The following SPAG16 variants were observed in gnomAD, a reference collection of about 807,000 sequenced individuals.
SPAG16 encodes the protein sperm-associated antigen 16 protein.
Under a neutral mutation model 80.4 loss-of-function variants are expected in SPAG16, and 86 were observed. That is an observed-to-expected ratio of 1.07 (90% CI 0.90 to 1.28). The LOEUF is 1.28. Ranked by LOEUF, SPAG16 falls within the 50% of genes most tolerant of loss-of-function variation. The pLI, the probability that SPAG16 is intolerant of heterozygous loss-of-function variation, is 0.00. For missense variants in SPAG16, 870 were observed against 765.3 expected, an observed-to-expected ratio of 1.14 and a Z score of -1.61; for synonymous variants, 294 against 265.9, an observed-to-expected ratio of 1.11 and a Z score of -1.03.
intron 9 of SPAG16, among the ~76,000 whole-genome samples, chr2:213,480,587 C>T (rs2073697286): frequency 1.3e-5 from 2 of 152,190 alleles, no homozygotes; most frequent in Non-Finnish European, 1.5e-5. Flanking sequence ...AAAGCTGTTA[C>T]ATTAATTCAC....
At chr2:213,393,778 G>T (rs1487858603) in intron 9 of SPAG16, among the ~76,000 whole-genome samples, 1 of 151,872 alleles carries the variant, frequency 6.6e-6, no homozygotes, top group Non-Finnish European at 1.5e-5. Flanking sequence ...TATTGCCAGG[G>T]TTTTTTATTT....
At chr2:213,976,318 G>A (rs897012029) in intron 12 of SPAG16, among the ~76,000 whole-genome samples, 5 of 149,162 alleles carry the variant, frequency 3.4e-5, no homozygotes, top group Non-Finnish European at 7.4e-5. Flanking sequence ...GTGCGCATAT[G>A]TGTACGCATG....
chr2:213,633,670 T>A (rs929595682), intron 10 of SPAG16, among the ~76,000 whole-genome samples: 1 of 152,180 alleles, frequency 6.6e-6, no homozygotes, highest in East Asian at 1.9e-4. Flanking sequence ...TCTCTTTAGC[T>A]CTAATAATAG....
chr2:213,689,080 C>T (rs934295833), intron 10 of SPAG16, among the ~76,000 whole-genome samples: 2 of 152,196 alleles, frequency 1.3e-5, no homozygotes, highest in African/African-American at 4.8e-5. Context: ...CTGCCTCAGC[C>T]TCCTGAGCAG....
rs148098137 is a variant in SPAG16, at chr2:213,620,125, T to G, written c.1070+130035T>G. Reference sequence around the variant, plus strand: ...AAAAAAAAGTGAGCTCTTAGAAGAATAAAGTAGAATTATGGTTATTAGAGG... The same window carrying G: ...AAAAAAAAGTGAGCTCTTAGAAGAAGAAAGTAGAATTATGGTTATTAGAGG... On this transcript the variant is annotated intron_variant, in intron 10 of 15. Transcript: ENST00000331683. Among the ~76,000 whole-genome samples the G allele has an allele frequency of 5.3e-3, 799 of 151,476 alleles. 8 individuals are homozygous for G. The highest frequency in any genetic ancestry group is 0.018 in the African/African-American group (741 of 41,228).
chr2:213,646,915 T>C (rs2062842371), intron 10 of SPAG16, among the ~76,000 whole-genome samples: 1 of 152,164 alleles, frequency 6.6e-6, no homozygotes. Flanking sequence ...ACAAAATGAA[T>C]ATACCACAAT....
chr2:213,888,671 A>G (rs1229108174), intron 11 of SPAG16, among the ~76,000 whole-genome samples: 1 of 151,914 alleles, frequency 6.6e-6, no homozygotes, highest in Non-Finnish European at 1.5e-5. Flanking sequence ...TTCTAAGGCA[A>G]AGAATTTACT....
At chr2:213,898,538 T>G (rs1335396079) in intron 11 of SPAG16, among the ~76,000 whole-genome samples, 1 of 152,142 alleles carries the variant, frequency 6.6e-6, no homozygotes, top group Non-Finnish European at 1.5e-5. Context: ...CCCCACTGAA[T>G]TTATGGTGGA....
chr2:213,850,327 G>A (rs1479709266), intron 10 of SPAG16, among the ~76,000 whole-genome samples: 4 of 152,178 alleles, frequency 2.6e-5, no homozygotes, highest in Non-Finnish European at 5.9e-5. Context: ...ATGTTAATAA[G>A]AGAAAAGCAA....
At chr2:214,333,251 T>C (rs1010967316) in intron 15 of SPAG16, among the ~76,000 whole-genome samples, 54 of 152,346 alleles carry the variant, frequency 3.5e-4, no homozygotes, top group African/African-American at 1.2e-3. Flanking sequence ...TTCTCGATTA[T>C]ATATGCTTGA....
intron 10 of SPAG16, among the ~76,000 whole-genome samples, chr2:213,686,009 T>C (rs2064648971): frequency 6.6e-6 from 1 of 152,220 alleles, no homozygotes; most frequent in African/African-American, 2.4e-5. Context: ...TTTTGACATA[T>C]AATTATAAAG....
At chr2:213,904,480 G>A (rs1231898867) in intron 11 of SPAG16, among the ~76,000 whole-genome samples, 1 of 151,094 alleles carries the variant, frequency 6.6e-6, no homozygotes, top group Non-Finnish European at 1.5e-5. Flanking sequence ...TCCCCATGAT[G>A]CAAATTATCT....
At position 213,682,904 on chromosome 2, in the gene SPAG16, T is replaced by G. The variant is rs137956238; in HGVS notation, c.1071-179581T>G. Among the ~76,000 whole-genome samples the G allele has an allele frequency of 4.1e-3, 629 of 152,314 alleles. 6 individuals carry two copies. The highest frequency in any genetic ancestry group is 0.014 in the African/African-American group (594 of 41,558). On this transcript the variant is annotated intron_variant, in intron 10 of 15. Coordinates refer to ENST00000331683, the MANE Select transcript of SPAG16 (RefSeq NM_024532.5). ...GATGGTGATGATCCTGCTCTGTCAATTTGTATTGGTTATTTGATTCAACTG... is the reference window on the plus strand; with the variant it reads ...GATGGTGATGATCCTGCTCTGTCAAGTTGTATTGGTTATTTGATTCAACTG...
intron 10 of SPAG16, among the ~76,000 whole-genome samples, chr2:213,763,383 T>C (rs2068762711): frequency 6.6e-6 from 1 of 152,198 alleles, no homozygotes; most frequent in African/African-American, 2.4e-5. Flanking sequence ...TGATACAATG[T>C]GGATGAACCT....
At chr2:214,355,691 A>G (rs1475375358) in intron 15 of SPAG16, among the ~76,000 whole-genome samples, 2 of 151,858 alleles carry the variant, frequency 1.3e-5, no homozygotes, top group African/African-American at 4.8e-5. Context: ...CCAAAAGACT[A>G]TAAATCATGC....
chr2:213,817,521 A>G (rs1044659077), intron 10 of SPAG16, among the ~76,000 whole-genome samples: 1 of 152,008 alleles, frequency 6.6e-6, no homozygotes, highest in African/African-American at 2.4e-5. Flanking sequence ...CCCAAAAGAT[A>G]TATATATACT....
chr2:214,396,851 G>A (rs952373371), intron 15 of SPAG16, among the ~76,000 whole-genome samples: 1 of 151,856 alleles, frequency 6.6e-6, no homozygotes, highest in Non-Finnish European at 1.5e-5. Context: ...TTGAACATGT[G>A]CAAAGTTGCC....
intron 14 of SPAG16, among the ~76,000 whole-genome samples, chr2:214,115,163 T>C (rs755420083): frequency 1.4e-4 from 21 of 152,204 alleles, no homozygotes; most frequent in Non-Finnish European, 2.2e-4. Flanking sequence ...TATTAATTGT[T>C]TTAACAATTA....
chr2:214,208,865 T>C (rs937328281), intron 15 of SPAG16, among the ~76,000 whole-genome samples: 10 of 152,158 alleles, frequency 6.6e-5, no homozygotes, highest in Non-Finnish European at 1.2e-4. Context: ...ACCTACCTCA[T>C]AGGTTTGTGG....
Sources: gnomAD v4.1 joint callset for allele counts (sites outside exome capture counted in the v4.1 genomes callset) on GRCh38, gnomAD v4.1.1 for gene constraint, MANE v1.5 for transcripts, NCBI Gene and HGNC (gene_info 2026-07-23, HGNC 2026-07-21) for gene names.